The following CACNA2D3 variants were observed in gnomAD, a reference collection of about 807,000 sequenced individuals.
CACNA2D3 encodes calcium voltage-gated channel auxiliary subunit alpha2delta 3, also known as voltage-dependent calcium channel subunit alpha-2/delta-3.
Under a neutral mutation model 160.6 loss-of-function variants are expected in CACNA2D3, and 60 were observed. That is an observed-to-expected ratio of 0.37 (90% CI 0.30 to 0.46). The LOEUF is 0.46. CACNA2D3 is among the 20% of genes least tolerant of loss of function. The pLI is 1.00. For missense variants in CACNA2D3, 1,205 were observed against 1,365.0 expected, an observed-to-expected ratio of 0.88 and a Z score of 1.85; for synonymous variants, 558 against 492.9, an observed-to-expected ratio of 1.13 and a Z score of -1.75.
At position 54,816,850 on chromosome 3, in the gene CACNA2D3, C is replaced by A; in HGVS notation, c.1381-3C>A. 1 of 1,613,662 alleles carries A rather than the reference C, an allele frequency of 6.2e-7. No individual in the cohort carries two copies. Among genetic ancestry groups the A allele is most frequent in the Non-Finnish European group, 8.5e-7 (1 of 1,179,848 alleles). On this transcript the variant is annotated splice_polypyrimidine_tract_variant and splice_region_variant and intron_variant, in intron 13 of 37. Coordinates refer to ENST00000474759, the MANE Select transcript of CACNA2D3 (RefSeq NM_018398.3). The stretch of plus-strand genomic sequence containing the variant: ...TTTGTTTTGTTTTGTTTTCCCCCTT[C>A]AGCTCCCTCAGGCACAAAAGGTAAA...
chr3:54,295,076 A>G (rs1325913783), intron 2 of CACNA2D3, among the ~76,000 whole-genome samples: 1 of 152,190 alleles, frequency 6.6e-6, no homozygotes. Flanking sequence ...GATGATGAAG[A>G]AGGAGACACA....
At chr3:54,688,978 T>G (rs1700517800) in intron 11 of CACNA2D3, among the ~76,000 whole-genome samples, 1 of 22,192 alleles carries the variant, frequency 4.5e-5, no homozygotes, top group Non-Finnish European at 7.1e-5. Context: ...TGAGACTGTC[T>G]CAAAAAAAAA....
intron 11 of CACNA2D3, among the ~76,000 whole-genome samples, chr3:54,725,317 C>G (rs1380137302): frequency 6.6e-6 from 1 of 152,160 alleles, no homozygotes; most frequent in African/African-American, 2.4e-5. Flanking sequence ...GATTCACAGC[C>G]AAATTCTACC....
At chr3:54,796,290 G>T (rs1259782728) in intron 13 of CACNA2D3, among the ~76,000 whole-genome samples, 2 of 152,184 alleles carry the variant, frequency 1.3e-5, no homozygotes, top group African/African-American at 2.4e-5. Flanking sequence ...GCAGAGTGAA[G>T]ATGATTGTAC....
intron 12 of CACNA2D3, 28 bp downstream of exon 12, chr3:54,752,705 G>C (rs1159605894): frequency 6.6e-7 from 1 of 1,515,622 alleles, no homozygotes; most frequent in East Asian, 2.3e-5. Context: ...GCTCGGCTCT[G>C]AATAACTTCC....
At chr3:54,410,345 C>G (rs1048554739) in intron 4 of CACNA2D3, among the ~76,000 whole-genome samples, 3 of 151,918 alleles carry the variant, frequency 2.0e-5, no homozygotes, top group African/African-American at 7.3e-5. Flanking sequence ...CAGAGCAAGG[C>G]TCTGTCCCAG....
chr3:55,026,790 T>C (rs1305706520), intron 35 of CACNA2D3, among the ~76,000 whole-genome samples: 1 of 152,190 alleles, frequency 6.6e-6, no homozygotes, highest in Non-Finnish European at 1.5e-5. Context: ...GAACTAGTCC[T>C]TTGAAGGACT....
chr3:54,724,636 A>G (rs994033726), intron 11 of CACNA2D3, among the ~76,000 whole-genome samples: 7 of 152,224 alleles, frequency 4.6e-5, no homozygotes, highest in South Asian at 2.1e-4. Flanking sequence ...CCACACAGCT[A>G]CATGGAAACT....
chr3:54,811,806 C>T (rs1703327584), intron 13 of CACNA2D3, among the ~76,000 whole-genome samples: 1 of 152,146 alleles, frequency 6.6e-6, no homozygotes, highest in South Asian at 2.1e-4. Flanking sequence ...CGGCCTCTGT[C>T]AGTTCTTATC....
intron 2 of CACNA2D3, among the ~76,000 whole-genome samples, chr3:54,242,601 C>T (rs893882808): frequency 5.3e-5 from 8 of 152,302 alleles, no homozygotes; most frequent in Non-Finnish European, 8.8e-5. Context: ...TCAATCTGCT[C>T]GCCCAGGCAG....
At chr3:54,856,077 G>A (rs1699162784) in intron 17 of CACNA2D3, among the ~76,000 whole-genome samples, 1 of 152,196 alleles carries the variant, frequency 6.6e-6, no homozygotes, top group Admixed American at 6.5e-5. Context: ...GCTGCAAGTA[G>A]CATGAAGACA....
At chr3:54,385,114 G>A (rs1186078756) in intron 3 of CACNA2D3, among the ~76,000 whole-genome samples, 4 of 152,156 alleles carry the variant, frequency 2.6e-5, no homozygotes, top group African/African-American at 7.2e-5. Flanking sequence ...GGGATGAATG[G>A]TATTTTTAGC....
intron 11 of CACNA2D3, among the ~76,000 whole-genome samples, chr3:54,686,245 G>A (rs945828077): frequency 6.6e-6 from 1 of 152,150 alleles, no homozygotes; most frequent in Non-Finnish European, 1.5e-5. Flanking sequence ...TCACTATGTG[G>A]CTGAGTTGAA....
At chr3:54,541,745 G>A (rs1701982953) in intron 5 of CACNA2D3, among the ~76,000 whole-genome samples, 1 of 152,196 alleles carries the variant, frequency 6.6e-6, no homozygotes, top group African/African-American at 2.4e-5. Context: ...CTGAGGATCT[G>A]TCCTGAATTA....
intron 11 of CACNA2D3, among the ~76,000 whole-genome samples, chr3:54,685,183 T>G (rs1700427664): frequency 6.6e-6 from 1 of 152,144 alleles, no homozygotes; most frequent in Non-Finnish European, 1.5e-5. Flanking sequence ...GGTCATGGAC[T>G]AGCTCTGAAA....
At chr3:54,631,512 TAA>T (rs1341802015) in intron 10 of CACNA2D3, among the ~76,000 whole-genome samples, 12 of 152,060 alleles carry the variant, frequency 7.9e-5, no homozygotes, top group Admixed American at 5.2e-4. Flanking sequence ...CAATATGAAA[TAA>T]AAAGTTATTT....
At chr3:54,400,113 C>A (rs1013205380) in intron 4 of CACNA2D3, among the ~76,000 whole-genome samples, 5 of 143,848 alleles carry the variant, frequency 3.5e-5, no homozygotes, top group Non-Finnish European at 7.6e-5. Context: ...AACTCCCTGA[C>A]CCCTTGCGCT....
Position 54,885,169 on chromosome 3 carries a change from G to A in CACNA2D3, c.1913-112G>A. Reference sequence around the variant, plus strand: ...TGCTGCTCCAAGGCAGGTCCCTTAGGGTTGATGTCTACCCTTAACCCACCC... The same window carrying A: ...TGCTGCTCCAAGGCAGGTCCCTTAGAGTTGATGTCTACCCTTAACCCACCC... On this transcript the variant is annotated intron_variant, in intron 21 of 37. Coordinates refer to ENST00000474759, the MANE Select transcript of CACNA2D3 (RefSeq NM_018398.3). 3 of 1,023,588 alleles carry A rather than the reference G, an allele frequency of 2.9e-6. No homozygotes were observed. The South Asian group carries it at 4.3e-5, about 15-fold the overall frequency. 63.4% of individuals were successfully genotyped at this position (1,023,588 alleles called of 1,614,324 possible). A position where few individuals can be genotyped will look rare whatever the true frequency, so the allele number is the denominator to read the frequency against.
At chr3:54,533,586 C>T (rs1160118031) in intron 5 of CACNA2D3, among the ~76,000 whole-genome samples, 1 of 152,140 alleles carries the variant, frequency 6.6e-6, no homozygotes, top group Non-Finnish European at 1.5e-5. Flanking sequence ...CTGCCTGCCT[C>T]AGCTTCCCAA....
Sources: gnomAD v4.1 joint callset for allele counts (sites outside exome capture counted in the v4.1 genomes callset) on GRCh38, gnomAD v4.1.1 for gene constraint, MANE v1.5 for transcripts, NCBI Gene and HGNC (gene_info 2026-07-23, HGNC 2026-07-21) for gene names.